RAB35: variants seen among roughly 807,000 people sequenced by gnomAD.
RAB35 encodes the protein RAB35, member RAS oncogene family, also known as ras-related protein Rab-35.
A neutral mutation model predicts 28.9 loss-of-function variants in RAB35; 4 were observed. The observed-to-expected ratio is 0.14, with a 90% CI of 0.07 to 0.32. The LOEUF is 0.32. Ranked by LOEUF, RAB35 falls within the 10% of genes least tolerant of loss-of-function variation. The pLI, the probability that RAB35 is intolerant of heterozygous loss-of-function variation, is 1.00. For missense variants in RAB35, 128 were observed against 274.0 expected (o/e 0.47, Z 3.76); for synonymous variants, 99 against 105.1 (o/e 0.94, Z 0.35).
intron 1 of RAB35, among the ~76,000 whole-genome samples, chr12:120,109,267 A>G (rs1349094072): frequency 6.6e-6 from 1 of 152,040 alleles, no homozygotes; most frequent in African/African-American, 2.4e-5. Context: ...CAGCCTGACC[A>G]ATATGGAGAA....
At chr12:120,102,455 C>T (rs1035998479) in intron 3 of RAB35, among the ~76,000 whole-genome samples, 2 of 152,214 alleles carry the variant, frequency 1.3e-5, no homozygotes, top group African/African-American at 4.8e-5. Context: ...GCTCACAGGG[C>T]TCATCAACGG....
At chr12:120,101,051 G>A (rs1365308383) in intron 3 of RAB35, among the ~76,000 whole-genome samples, 1 of 152,218 alleles carries the variant, frequency 6.6e-6, no homozygotes, top group Non-Finnish European at 1.5e-5. Flanking sequence ...GCCTCATCCG[G>A]GGCCCAGGAA....
chr12:120,113,825 A>AG (rs1236963961), intron 1 of RAB35, among the ~76,000 whole-genome samples: 1 of 152,112 alleles, frequency 6.6e-6, no homozygotes, highest in Non-Finnish European at 1.5e-5. Flanking sequence ...CTCAAAAAAA[A>AG]AAAAAAGGAA....
At chr12:120,107,766 T>C (rs985560674) in intron 2 of RAB35, among the ~76,000 whole-genome samples, 15 of 137,352 alleles carry the variant, frequency 1.1e-4, no homozygotes, top group African/African-American at 3.6e-4. Context: ...ACTTGGGAGG[T>C]TGAGACAGGA....
At position 120,110,290 on chromosome 12, in the gene RAB35, A is replaced by ATTTTTTTTTTTTTTTTTTTTTTTTTTTTT. The variant is rs3999541; in HGVS notation, c.53-1824_53-1823insAAAAAAAAAAAAAAAAAAAAAAAAAAAAA. Among the ~76,000 whole-genome samples the ATTTTTTTTTTTTTTTTTTTTTTTTTTTTT allele has an allele frequency of 4.2e-4, 37 of 88,570 alleles. 10 individuals carry two copies. The highest frequency in any genetic ancestry group is 1.1e-3 in the African/African-American group (22 of 20,048). The allele number at this position is 88,570 out of a possible 152,430, so 58.1% of individuals were successfully genotyped here. ...TCTGTTCATGGGAGAAGCCCACAGC[A>ATTTTTTTTTTTTTTTTTTTTTTTTTTTTT]TTTTTTTTTTTTTTGGAGAGATAGG... On this transcript the variant is annotated intron_variant, in intron 1 of 5. Transcript: ENST00000229340.
intron 3 of RAB35, among the ~76,000 whole-genome samples, chr12:120,099,808 C>T (rs958945232): frequency 2.6e-5 from 4 of 152,198 alleles, no homozygotes; most frequent in Non-Finnish European, 5.9e-5. Flanking sequence ...AAGGGGAGGC[C>T]CAACTCTCCT....
intron 1 of RAB35, 98 bp downstream of exon 1, chr12:120,116,501 C>A: frequency 1.2e-6 from 1 of 807,196 alleles, no homozygotes; most frequent in Non-Finnish European, 1.5e-6. Flanking sequence ...CCGCCCGCCC[C>A]GCACGGGCCG....
At chr12:120,107,736 A>G (rs1183752312) in intron 2 of RAB35, among the ~76,000 whole-genome samples, 1 of 151,780 alleles carries the variant, frequency 6.6e-6, no homozygotes, top group African/African-American at 2.4e-5. Flanking sequence ...GCGTGGTGGC[A>G]GGTGCCTATA....
At chr12:120,105,959 C>T (rs1875855483) in intron 2 of RAB35, among the ~76,000 whole-genome samples, 1 of 149,656 alleles carries the variant, frequency 6.7e-6, no homozygotes, top group Admixed American at 6.6e-5. Flanking sequence ...CCCAAAGGGT[C>T]AACAGTGTCC....
At position 120,095,476 on chromosome 12, in the gene RAB35, C is replaced by T. The variant is rs185576978; in HGVS notation, c.*1769G>A. 45 of 152,732 alleles carry T rather than the reference C, an allele frequency of 2.9e-4. No individual in the cohort carries two copies. Among genetic ancestry groups the T allele is most frequent in the East Asian group, 1.9e-4 (1 of 5,158 alleles). 9.5% of individuals were successfully genotyped at this position (152,732 alleles called of 1,614,324 possible). A position where few individuals can be genotyped will look rare whatever the true frequency, so the allele number is the denominator to read the frequency against. ...ATCGCTCAGAGGCCAGCATGCCCCCCGCCCACCGGCACAGGAGCCCCAGGC... is the reference window on the plus strand; with the variant it reads ...ATCGCTCAGAGGCCAGCATGCCCCCTGCCCACCGGCACAGGAGCCCCAGGC... On this transcript the variant is annotated 3_prime_UTR_variant, in exon 6 of 6. Transcript: ENST00000229340.
chr12:120,105,639 C>T (rs1346864632), intron 2 of RAB35, among the ~76,000 whole-genome samples: 2 of 152,010 alleles, frequency 1.3e-5, no homozygotes, highest in African/African-American at 2.4e-5. Context: ...ATCACAGGGC[C>T]CAGACCCGGC....
chr12:120,103,233 G>A lies in RAB35; in HGVS notation c.227+593C>T, dbSNP rs529270831. 2.3e-4 allele frequency among the ~76,000 whole-genome samples: 35 copies of A among 152,304 alleles called. 1 individual carries two copies. The South Asian group carries it at 6.0e-3, about 26-fold the overall frequency. ...GCTCCGAAGGACACTGCCCATCTGC[G>A]CAGGAGCCCAGCTTCCCCCCGGCCT... is the stretch of plus-strand genomic sequence containing the variant. On this transcript the variant is annotated intron_variant, in intron 3 of 5. Transcript: ENST00000229340. The surrounding 1 kb of genome is among the most constrained non-coding windows in gnomAD (Gnocchi z 6.1).
chr12:120,105,283 C>T lies in RAB35; in HGVS notation c.104-1334G>A, dbSNP rs1019144638. The stretch of plus-strand genomic sequence containing the variant: ...CGCAACCAGAACACATTCAGAAAAG[C>T]GGCCAGCACCCGGGGTCTTCCAGCC... On this transcript the variant is annotated intron_variant, in intron 2 of 5. Coordinates refer to ENST00000229340, the MANE Select transcript of RAB35 (RefSeq NM_006861.7). Among the ~76,000 whole-genome samples the T allele has an allele frequency of 2.6e-5, 4 of 152,160 alleles. No homozygotes were observed. In the South Asian group the frequency reaches 6.2e-4, roughly 24 times the overall value.
chr12:120,116,554 G>A (rs1355860606), intron 1 of RAB35, 45 bp downstream of exon 1: 10 of 1,049,850 alleles, frequency 9.5e-6, no homozygotes, highest in South Asian at 4.5e-5. Context: ...CCCGCGGGCC[G>A]CGCCCGGCAG....
At chr12:120,112,852 A>G (rs965845160) in intron 1 of RAB35, among the ~76,000 whole-genome samples, 8 of 148,634 alleles carry the variant, frequency 5.4e-5, no homozygotes, top group Non-Finnish European at 7.4e-5. Flanking sequence ...AGCCTCCCAC[A>G]TAGCTGGGAC....
rs561118334 is a variant in RAB35 at position 120,096,955 on chromosome 12, T to G, written c.*290A>C. 1 of 1,416,142 alleles carries G rather than the reference T, an allele frequency of 7.1e-7. No individual in the cohort carries two copies. The highest frequency in any genetic ancestry group is 1.2e-5 in the South Asian group (1 of 82,168). The allele number at this position is 1,416,142 out of a possible 1,614,324, so 87.7% of individuals were successfully genotyped here. ...TGCGGCCGGGTAGAGCAATATACAC[T>G]ATGTACAGACTCTGCGAATCAGTCC... On this transcript the variant is annotated 3_prime_UTR_variant, in exon 6 of 6. Coordinates refer to ENST00000229340, the MANE Select transcript of RAB35 (RefSeq NM_006861.7).
intron 3 of RAB35, 146 bp from the exon 4 acceptor site, chr12:120,099,300 C>G (rs1378042066): frequency 5.7e-6 from 6 of 1,043,888 alleles, no homozygotes; most frequent in Admixed American, 2.5e-5. Context: ...CGGCAGATGC[C>G]CCCGAGCCAC....
rs529027712 is a variant in RAB35, at chr12:120,099,309, A to G, written c.228-155T>C. 3.0e-4 allele frequency: 288 copies of G among 949,214 alleles called. 4 individuals are homozygous for G. In the South Asian group the frequency reaches 4.4e-3, roughly 15 times the overall value. 58.8% of individuals were successfully genotyped at this position (949,214 alleles called of 1,614,324 possible). A position where few individuals can be genotyped will look rare whatever the true frequency, so the allele number is the denominator to read the frequency against. On this transcript the variant is annotated intron_variant, in intron 3 of 5. Transcript: ENST00000229340. ...CAGCCTCGGCAGATGCCCCCGAGCCACAACAGGCCAGCAGGAGAGGCTACT... is the reference window on the plus strand; with the variant it reads ...CAGCCTCGGCAGATGCCCCCGAGCCGCAACAGGCCAGCAGGAGAGGCTACT...
Position 120,106,063 on chromosome 12 carries a change from C to T in RAB35, c.104-2114G>A, listed in dbSNP as rs187954350. Among the ~76,000 whole-genome samples the T allele has an allele frequency of 3.3e-3, 502 of 152,124 alleles. 1 individual carries two copies. The highest frequency in any genetic ancestry group is 6.0e-3 in the Admixed American group (91 of 15,274). On this transcript the variant is annotated intron_variant, in intron 2 of 5. Transcript: ENST00000229340. ...AGACCCTACCAGACACACACATGAG[C>T]GGTTCAGGGTGGGTAGGGGTTGCCG...
Sources: allele counts gnomAD v4.1 joint callset (sites outside exome capture counted in the v4.1 genomes callset), GRCh38; gene constraint gnomAD v4.1.1; non-coding constraint Gnocchi (gnomAD v3.1); transcripts MANE v1.5; gene names NCBI Gene and HGNC (gene_info 2026-07-23, HGNC 2026-07-21).